Variants in DYSF observed in about 807,000 individuals in gnomAD.
DYSF encodes the protein dystrophy-associated fer-1-like 1.
DYSF carries 212 observed loss-of-function variants against 274.9 expected under a neutral mutation model. That is an observed-to-expected ratio of 0.77 (90% confidence interval 0.69 to 0.86). DYSF has a LOEUF of 0.86. DYSF is among the 40% of genes least tolerant of loss of function. The pLI is 0.00. For synonymous variants in DYSF, 1,091 were observed against 1,078.7 expected (o/e 1.01, Z -0.22); for missense variants, 2,666 against 2,783.2 (o/e 0.96, Z 0.95).
intron 32 of DYSF, among the ~76,000 whole-genome samples, chr2:71,594,408 G>A (rs10205698): frequency 0.98 from 149,383 of 152,266 alleles, 73,302 homozygotes; most frequent in East Asian, 1. Context: ...GCACGCTTCG[G>A]GATTTACAAT....
Position 71,681,016 on chromosome 2 carries a change from A to T in DYSF, c.6079A>T (p.Thr2027Ser), listed in dbSNP as rs1160705662. Residue 2027 changes from threonine (T) to serine (S), a missense_variant, in exon 54 of 56, where the codon ACC (threonine) becomes TCC (serine). This residue lies in a region of DYSF where 1,460 missense variants were observed against 1,502.1 expected (regional missense o/e 0.97). Coordinates refer to ENST00000410020, the MANE Select transcript of DYSF (RefSeq NM_001130987.2). Reference sequence around the variant, plus strand: ...GTCCCCTCAGGGCAAGCTGGAAATGACCTTGGAGATTGTAGCAGAGAGTGA... The same window carrying T: ...GTCCCCTCAGGGCAAGCTGGAAATGTCCTTGGAGATTGTAGCAGAGAGTGA... Reference protein sequence around the residue: ...KKILAGKLEMTLEIVAESEHE... With the variant: ...KKILAGKLEMSLEIVAESEHE... 6.2e-7 allele frequency: 1 copy of T among 1,614,128 alleles called. No individual in the cohort carries two copies. The highest frequency in any genetic ancestry group is 8.5e-7 in the Non-Finnish European group (1 of 1,180,030).
intron 48 of DYSF, 142 bp downstream of exon 48, chr2:71,667,657 G>A: frequency 7.4e-7 from 1 of 1,345,758 alleles, no homozygotes; most frequent in Non-Finnish European, 1.0e-6. Context: ...CACAGTCTGA[G>A]TGCGGCCATG....
In DYSF at chr2:71,578,075, A is replaced by C. The variant is rs186865828; in HGVS notation, c.3402+3704A>C. Among the ~76,000 whole-genome samples the C allele has an allele frequency of 2.0e-5, 3 of 152,304 alleles. No individual in the cohort carries two copies. The East Asian group carries it at 5.8e-4, about 29-fold the overall frequency. ...CCATTTTAAGGATGAATGACGATGCATGTAGTGAAGCACTTCTCAGACTTA... is the reference window on the plus strand; with the variant it reads ...CCATTTTAAGGATGAATGACGATGCCTGTAGTGAAGCACTTCTCAGACTTA... On this transcript the variant is annotated intron_variant, in intron 30 of 55. Coordinates refer to ENST00000410020, the MANE Select transcript of DYSF (RefSeq NM_001130987.2).
intron 40 of DYSF, among the ~76,000 whole-genome samples, chr2:71,620,136 G>A (rs2094059846): frequency 6.6e-6 from 1 of 152,188 alleles, no homozygotes; most frequent in Non-Finnish European, 1.5e-5. Flanking sequence ...TGGCTCAGAG[G>A]TTAGGATGCT....
At chr2:71,621,841 A>T (rs557019716) in intron 41 of DYSF, among the ~76,000 whole-genome samples, 3 of 152,026 alleles carry the variant, frequency 2.0e-5, no homozygotes, top group African/African-American at 7.2e-5. Flanking sequence ...TTGTATTTTT[A>T]GTAGAGACGG....
At chr2:71,625,243 C>CTT (rs1168535130) in intron 41 of DYSF, among the ~76,000 whole-genome samples, 3 of 151,852 alleles carry the variant, frequency 2.0e-5, no homozygotes, top group African/African-American at 7.3e-5. Context: ...TTCTCTCTCT[C>CTT]TTGTTTAGAA....
chr2:71,685,086 C>A (rs528483285), intron 55 of DYSF, among the ~76,000 whole-genome samples: 1 of 152,346 alleles, frequency 6.6e-6, no homozygotes, highest in Admixed American at 6.5e-5. Context: ...ATCTAGGCCT[C>A]CAGGGGCCTG....
At chr2:71,493,506 G>A (rs2084065694) in intron 3 of DYSF, among the ~76,000 whole-genome samples, 1 of 152,196 alleles carries the variant, frequency 6.6e-6, no homozygotes, top group South Asian at 2.1e-4. Flanking sequence ...GCCAGCCGTG[G>A]GAATATGCAT....
chr2:71,682,465 G>T, intron 54 of DYSF, 65 bp from the exon 55 acceptor site: 1 of 1,610,304 alleles, frequency 6.2e-7, no homozygotes, highest in South Asian at 1.1e-5. Flanking sequence ...GCTGTTGAGA[G>T]AAGAGTTTGG....
chr2:71,626,859 A>T (rs1043638275), intron 41 of DYSF, among the ~76,000 whole-genome samples: 1 of 151,940 alleles, frequency 6.6e-6, no homozygotes, highest in African/African-American at 2.4e-5. Context: ...AAAAATGTTT[A>T]TAGGACCTTT....
intron 21 of DYSF, 42 bp downstream of exon 21, chr2:71,553,973 C>T (rs2091152987): frequency 3.1e-6 from 5 of 1,613,836 alleles, no homozygotes; most frequent in East Asian, 2.2e-5. Context: ...CCTATGCATG[C>T]ACCTGCTACC....
chr2:71,635,924 C>T (rs377749268), intron 41 of DYSF, among the ~76,000 whole-genome samples: 21 of 152,014 alleles, frequency 1.4e-4, no homozygotes, highest in East Asian at 5.8e-4. Flanking sequence ...ATTCTTGAGA[C>T]GGGATTGTGA....
intron 21 of DYSF, among the ~76,000 whole-genome samples, chr2:71,555,232 G>A (rs2091256095): frequency 6.6e-6 from 1 of 152,138 alleles, no homozygotes; most frequent in African/African-American, 2.4e-5. Context: ...CCCATCACTG[G>A]CTCACAGCAA....
chr2:71,586,205 C>T (rs552465030), intron 30 of DYSF, among the ~76,000 whole-genome samples: 5 of 152,132 alleles, frequency 3.3e-5, no homozygotes, highest in East Asian at 1.9e-4. Context: ...GTTGGCCAGG[C>T]GTGTGGGTGG....
At position 71,549,531 on chromosome 2, in the gene DYSF, C is replaced by T. The variant is rs1223752196; in HGVS notation, c.1577-1510C>T. On this transcript the variant is annotated intron_variant, in intron 17 of 55. Coordinates refer to ENST00000410020, the MANE Select transcript of DYSF (RefSeq NM_001130987.2). ...TCCCCCACAAAGGTAAGTCCCTGGA[C>T]TTACCTTTGCTGTCACCTCTCGGCC... 5 of 790,332 alleles carry T rather than the reference C, an allele frequency of 6.3e-6. No individual in the cohort carries two copies. In the African/African-American group the frequency reaches 8.7e-5, roughly 14 times the overall value. The allele number at this position is 790,332 out of a possible 1,614,324, so 49.0% of individuals were successfully genotyped here. A position where few individuals can be genotyped will look rare whatever the true frequency, so the allele number is the denominator to read the frequency against.
At chr2:71,628,969 A>G (rs1016098419) in intron 41 of DYSF, among the ~76,000 whole-genome samples, 3 of 152,180 alleles carry the variant, frequency 2.0e-5, no homozygotes, top group African/African-American at 7.2e-5. Flanking sequence ...AAAAAATTTA[A>G]AAAGTAAAAT....
chr2:71,661,630 C>T (rs2094883249), intron 45 of DYSF, among the ~76,000 whole-genome samples: 1 of 152,184 alleles, frequency 6.6e-6, no homozygotes, highest in African/African-American at 2.4e-5. Flanking sequence ...AATTCCTAGG[C>T]ATCCTGAATT....
intron 4 of DYSF, among the ~76,000 whole-genome samples, chr2:71,510,011 C>T (rs1216228859): frequency 6.6e-6 from 1 of 152,194 alleles, no homozygotes; most frequent in Non-Finnish European, 1.5e-5. Context: ...CTCCTGACCT[C>T]AAGAGATCCG....
chr2:71,647,624 G>C (rs1051456567), intron 42 of DYSF, among the ~76,000 whole-genome samples: 1 of 152,176 alleles, frequency 6.6e-6, no homozygotes, highest in Admixed American at 6.5e-5. Flanking sequence ...AACTGAAATT[G>C]GTTAGAGGCC....
Sources: gnomAD v4.1 joint callset for allele counts (sites outside exome capture counted in the v4.1 genomes callset) on GRCh38, gnomAD v4.1.1 for gene constraint, gnomAD v4.1.1 regional missense constraint, MANE v1.5 for transcripts, NCBI Gene and HGNC (gene_info 2026-07-23, HGNC 2026-07-21) for gene names.